C3orf33: variants seen among roughly 807,000 people sequenced by gnomAD.
C3orf33 encodes mitochondrial inner membrane subdomain organizer 1.
Under a neutral mutation model 28.7 loss-of-function variants are expected in C3orf33, and 23 were observed. The ratio of observed to expected loss-of-function variants is 0.80; its 90% confidence interval spans 0.58 to 1.13. The LOEUF (loss-of-function observed/expected upper bound fraction) is 1.13. C3orf33 is among the 50% of genes most tolerant of loss of function. The pLI, the probability that C3orf33 is intolerant of heterozygous loss-of-function variation, is 0.00. For synonymous variants in C3orf33, 119 were observed against 120.5 expected (o/e 0.99, Z 0.08); for missense variants, 327 against 353.4 (o/e 0.93, Z 0.60).
intron 4 of C3orf33, among the ~76,000 whole-genome samples, chr3:155,765,766 T>G (rs918848369): frequency 5.9e-5 from 9 of 152,188 alleles, no homozygotes; most frequent in Admixed American, 5.9e-4. Flanking sequence ...CAGGCTGGTC[T>G]CAAACTCCTC....
chr3:155,781,598 T>C (rs1353363034), intron 2 of C3orf33, among the ~76,000 whole-genome samples: 2 of 150,758 alleles, frequency 1.3e-5, no homozygotes, highest in Non-Finnish European at 2.9e-5. Context: ...TGAAACCCCA[T>C]CTCTACTAAA....
chr3:155,792,115 G>T (rs987750066), intron 2 of C3orf33, among the ~76,000 whole-genome samples: 1 of 152,074 alleles, frequency 6.6e-6, no homozygotes, highest in Non-Finnish European at 1.5e-5. Flanking sequence ...CCAGCTCCAG[G>T]CACCTTGACA....
chr3:155,803,589 A>ATGAGAT (rs1261511326), intron 1 of C3orf33, among the ~76,000 whole-genome samples: 2 of 147,010 alleles, frequency 1.4e-5, no homozygotes, highest in Non-Finnish European at 3.0e-5. Flanking sequence ...AAAAAAAGAA[A>ATGAGAT]TGAGATTGAG....
intron 1 of C3orf33, chr3:155,803,965 CA>C (rs1344026408): frequency 1.5e-5 from 3 of 198,042 alleles, no homozygotes; most frequent in African/African-American, 7.2e-5. Flanking sequence ...CACCTGAGGT[CA>C]GGAGTTCGAG....
Position 155,806,172 on chromosome 3 carries a change from C to T in C3orf33, c.81G>A (p.Ser27=). ...GGCGCAGGTGGTCGTCTGCCCACTG[C>T]GAGATCCGAGCCACGACGTTGGGCT... is the stretch of plus-strand genomic sequence containing the variant. ...GMEPNVVARI[S]QWADDHLRLV... Residue 27 remains serine, a synonymous_variant, in exon 1 of 5, where the codon TCG becomes TCA. Transcript: ENST00000340171. 3 of 1,495,420 alleles carry T rather than the reference C, an allele frequency of 2.0e-6. No homozygotes were observed. The highest frequency in any genetic ancestry group is 2.7e-6 in the Non-Finnish European group (3 of 1,121,778). 92.6% of individuals were successfully genotyped at this position (1,495,420 alleles called of 1,614,324 possible). A position where few individuals can be genotyped will look rare whatever the true frequency, so the allele number is the denominator to read the frequency against.
intron 2 of C3orf33, among the ~76,000 whole-genome samples, chr3:155,786,970 C>A (rs1177400040): frequency 6.6e-6 from 1 of 152,190 alleles, no homozygotes; most frequent in Non-Finnish European, 1.5e-5. Flanking sequence ...CTGGATCTGA[C>A]AGCATCACTG....
At chr3:155,766,025 C>G (rs1244260590) in intron 4 of C3orf33, among the ~76,000 whole-genome samples, 1 of 152,090 alleles carries the variant, frequency 6.6e-6, no homozygotes, top group Non-Finnish European at 1.5e-5. Context: ...GGTTAAAATT[C>G]TAATCATCTT....
chr3:155,793,075 C>G lies in C3orf33; in HGVS notation c.174+9457G>C, dbSNP rs374540773. ...TCAAGGATAAAAAGAATCCTAAAAGCAGCAAGAGAAAAGAAACAAATAGCA... is the reference window on the plus strand; with the variant it reads ...TCAAGGATAAAAAGAATCCTAAAAGGAGCAAGAGAAAAGAAACAAATAGCA... On this transcript the variant is annotated intron_variant, in intron 2 of 4. Transcript: ENST00000340171. 1.1e-4 allele frequency among the ~76,000 whole-genome samples: 17 copies of G among 152,130 alleles called. No homozygotes were observed. In the East Asian group the frequency reaches 3.3e-3, roughly 29 times the overall value.
intron 3 of C3orf33, among the ~76,000 whole-genome samples, chr3:155,769,251 G>T (rs1750502587): frequency 6.6e-6 from 1 of 151,892 alleles, no homozygotes; most frequent in Non-Finnish European, 1.5e-5. Flanking sequence ...GGCGGAAGTT[G>T]CGGTGAGCCA....
intron 4 of C3orf33, among the ~76,000 whole-genome samples, chr3:155,766,628 C>T (rs116429144): frequency 0.017 from 2,541 of 152,326 alleles, 52 homozygotes; most frequent in African/African-American, 0.059. Flanking sequence ...ATGATACTGC[C>T]TAAATTAGCA....
chr3:155,789,241 A>G (rs1291643462), intron 2 of C3orf33, among the ~76,000 whole-genome samples: 1 of 150,552 alleles, frequency 6.6e-6, no homozygotes, highest in African/African-American at 2.4e-5. Flanking sequence ...GCTACTCAGG[A>G]GGCTGAGGCA....
intron 1 of C3orf33, among the ~76,000 whole-genome samples, chr3:155,802,853 A>G (rs1577441491): frequency 6.6e-6 from 1 of 152,254 alleles, no homozygotes; most frequent in East Asian, 1.9e-4. Flanking sequence ...ACATATATAC[A>G]TACATGTATA....
intron 1 of C3orf33, chr3:155,805,740 AAAAT>A (rs1295355356): frequency 2.2e-6 from 1 of 449,968 alleles, no homozygotes; most frequent in African/African-American, 2.0e-5. Flanking sequence ...AATAAAATTA[AAAAT>A]AAATAAAAAT....
chr3:155,800,157 C>A (rs1751597692), intron 2 of C3orf33, among the ~76,000 whole-genome samples: 1 of 151,902 alleles, frequency 6.6e-6, no homozygotes, highest in South Asian at 2.1e-4. Flanking sequence ...GGACTGTATG[C>A]CTGTATCAAA....
intron 2 of C3orf33, among the ~76,000 whole-genome samples, chr3:155,795,751 T>C (rs999673364): frequency 5.3e-5 from 8 of 151,924 alleles, no homozygotes; most frequent in African/African-American, 1.5e-4. Context: ...AGGTCAGGAA[T>C]TCAAGACCAG....
chr3:155,793,829 T>TAAAAAAA (rs1751391618), intron 2 of C3orf33, among the ~76,000 whole-genome samples: 1,602 of 84,382 alleles, frequency 0.019, 315 homozygotes, highest in Middle Eastern at 0.042. Context: ...AAAAAAAAAC[T>TAAAAAAA]AAAAAAACTA....
At chr3:155,783,279 C>T (rs377552982) in intron 2 of C3orf33, among the ~76,000 whole-genome samples, 179 of 151,932 alleles carry the variant, frequency 1.2e-3, no homozygotes, top group African/African-American at 3.8e-3. Context: ...CTCAGCCTCC[C>T]GAGTAGCTGG....
chr3:155,782,654 G>C (rs1750961900), intron 2 of C3orf33, among the ~76,000 whole-genome samples: 1 of 152,090 alleles, frequency 6.6e-6, no homozygotes, highest in African/African-American at 2.4e-5. Flanking sequence ...CAGCAAAACT[G>C]ACCCTCAGAA....
chr3:155,785,395 C>A (rs994195526), intron 2 of C3orf33, among the ~76,000 whole-genome samples: 1 of 152,080 alleles, frequency 6.6e-6, no homozygotes, highest in Non-Finnish European at 1.5e-5. Context: ...CCAATGACAA[C>A]AGAATATATA....
Sources: allele counts gnomAD v4.1 joint callset (sites outside exome capture counted in the v4.1 genomes callset), GRCh38; gene constraint gnomAD v4.1.1; transcripts MANE v1.5; gene names NCBI Gene and HGNC (gene_info 2026-07-23, HGNC 2026-07-21).